ATP9A: variants seen among roughly 807,000 people sequenced by gnomAD.
The protein encoded by ATP9A is ATPase phospholipid transporting 9A.
Under a neutral mutation model 144.1 loss-of-function variants are expected in ATP9A, and 52 were observed. The observed-to-expected ratio is 0.36, with a 90% confidence interval of 0.29 to 0.45. The LOEUF (loss-of-function observed/expected upper bound fraction) is 0.45. Ranked by LOEUF, ATP9A falls within the 20% of genes least tolerant of loss-of-function variation. ATP9A has a pLI of 1.00. For missense variants in ATP9A, 947 were observed against 1,392.7 expected, an observed-to-expected ratio of 0.68 and a Z score of 5.09; for synonymous variants, 582 against 557.4, an observed-to-expected ratio of 1.04 and a Z score of -0.62.
At chr20:51,607,864 T>C (rs1252283475) in intron 25 of ATP9A, among the ~76,000 whole-genome samples, 2 of 151,726 alleles carry the variant, frequency 1.3e-5, no homozygotes, top group South Asian at 2.1e-4. Flanking sequence ...GCCAACATGG[T>C]GAAACCTCCT....
At chr20:51,731,553 T>C (rs973857141) in intron 1 of ATP9A, among the ~76,000 whole-genome samples, 2 of 151,636 alleles carry the variant, frequency 1.3e-5, no homozygotes, top group Admixed American at 1.3e-4. Context: ...ACCCCATCTC[T>C]ACTAGAATTA....
chr20:51,683,792 G>C (rs774218456), intron 9 of ATP9A, among the ~76,000 whole-genome samples: 49 of 152,296 alleles, frequency 3.2e-4, no homozygotes, highest in Non-Finnish European at 5.3e-4. Flanking sequence ...TAAGAGTCTG[G>C]AGCCTGGAGT....
chr20:51,601,516 T>A (rs891438437), intron 27 of ATP9A, among the ~76,000 whole-genome samples, 169 bp from the exon 28 acceptor site: 1 of 152,226 alleles, frequency 6.6e-6, no homozygotes, highest in Non-Finnish European at 1.5e-5. Flanking sequence ...GAAGGTACCA[T>A]GGCTAAGAGC....
chr20:51,616,539 G>A (rs375295692), intron 22 of ATP9A, among the ~76,000 whole-genome samples: 9 of 151,988 alleles, frequency 5.9e-5, no homozygotes, highest in East Asian at 5.8e-4. Flanking sequence ...GGCTGGTCTC[G>A]AACTCCTGAG....
intron 9 of ATP9A, among the ~76,000 whole-genome samples, chr20:51,680,587 C>T (rs569251823): frequency 5.3e-5 from 8 of 152,220 alleles, no homozygotes; most frequent in Non-Finnish European, 1.2e-4. Context: ...CTGATACAGA[C>T]GGACCTCAGC....
In ATP9A at chr20:51,671,175, G is replaced by C; in HGVS notation, c.1120C>G (p.Arg374Gly). 6.2e-7 allele frequency: 1 copy of C among 1,614,068 alleles called. No individual in the cohort carries two copies. Among genetic ancestry groups the C allele is most frequent in the Non-Finnish European group, 8.5e-7 (1 of 1,179,988 alleles). ...RDSKIPGTVV[R>G]SSTIPEQLGR... ...AGCTGCTCAGGAATCGTGCTGGAGCGAACCACGGTCCCGGGGATTTTCGAG... is the reference window on the plus strand; with the variant it reads ...AGCTGCTCAGGAATCGTGCTGGAGCCAACCACGGTCCCGGGGATTTTCGAG... The change falls in exon 12 of 28, where the codon CGC (arginine) becomes GGC (glycine). Residue 374 changes from arginine (R) to glycine (G), a missense_variant. Physicochemically the swap from Arg to Gly is moderately radical, Grantham distance 125. Coordinates refer to ENST00000338821, the MANE Select transcript of ATP9A (RefSeq NM_006045.3).
chr20:51,664,171 C>T (rs2122778784), intron 13 of ATP9A, among the ~76,000 whole-genome samples: 1 of 151,986 alleles, frequency 6.6e-6, no homozygotes, highest in East Asian at 1.9e-4. Flanking sequence ...TGAGCTACCA[C>T]GCCCAGCAGG....
chr20:51,700,855 C>T (rs2077590463), intron 4 of ATP9A, among the ~76,000 whole-genome samples: 1 of 151,766 alleles, frequency 6.6e-6, no homozygotes, highest in Non-Finnish European at 1.5e-5. Flanking sequence ...AGAGAGGGAG[C>T]GAAAGAAAGA....
At chr20:51,721,161 G>A (rs993727006) in intron 3 of ATP9A, among the ~76,000 whole-genome samples, 10 of 152,320 alleles carry the variant, frequency 6.6e-5, no homozygotes, top group African/African-American at 1.9e-4. Flanking sequence ...GCGTATGCAC[G>A]CCCACTCCCT....
intron 2 of ATP9A, among the ~76,000 whole-genome samples, chr20:51,727,293 G>A (rs1394657803): frequency 1.3e-5 from 2 of 149,454 alleles, no homozygotes; most frequent in African/African-American, 4.9e-5. Context: ...AAAAAGTTAC[G>A]TCCACAGCAT....
At chr20:51,699,057 G>A (rs1388523538) in intron 4 of ATP9A, among the ~76,000 whole-genome samples, 1 of 152,102 alleles carries the variant, frequency 6.6e-6, no homozygotes, top group Non-Finnish European at 1.5e-5. Flanking sequence ...AGTAATTATA[G>A]GCCGGGCACC....
intron 1 of ATP9A, among the ~76,000 whole-genome samples, chr20:51,747,892 C>T (rs2077815233): frequency 6.6e-6 from 1 of 152,214 alleles, no homozygotes; most frequent in African/African-American, 2.4e-5. Context: ...GGCAGGCATG[C>T]CCCGGAACCC....
At chr20:51,644,845 G>A (rs956837109) in intron 14 of ATP9A, among the ~76,000 whole-genome samples, 1 of 151,890 alleles carries the variant, frequency 6.6e-6, no homozygotes, top group African/African-American at 2.4e-5. Flanking sequence ...CCTGTTAATT[G>A]CCCTGAAAAT....
chr20:51,707,421 C>T (rs1464117977), intron 4 of ATP9A, among the ~76,000 whole-genome samples: 2 of 152,142 alleles, frequency 1.3e-5, no homozygotes, highest in Admixed American at 1.3e-4. Flanking sequence ...ATGCCTGCTT[C>T]AATACCATCC....
intron 9 of ATP9A, among the ~76,000 whole-genome samples, chr20:51,682,651 G>A (rs185969482): frequency 8.0e-4 from 107 of 134,004 alleles, no homozygotes; most frequent in African/African-American, 2.9e-3. Flanking sequence ...GGGTGCAATG[G>A]TGCAATCTTG....
chr20:51,724,238 C>A (rs73269765), intron 3 of ATP9A, among the ~76,000 whole-genome samples: 3 of 152,138 alleles, frequency 2.0e-5, no homozygotes, highest in Non-Finnish European at 2.9e-5. Flanking sequence ...GCGTTCCCCC[C>A]CTGGGTCCCA....
At chr20:51,640,972 C>G (rs2077316159) in intron 14 of ATP9A, among the ~76,000 whole-genome samples, 1 of 152,118 alleles carries the variant, frequency 6.6e-6, no homozygotes, top group African/African-American at 2.4e-5. Flanking sequence ...CACTTTTAAT[C>G]CCAGCACTTG....
chr20:51,630,936 C>T (rs1425764330), intron 15 of ATP9A, among the ~76,000 whole-genome samples: 1 of 152,142 alleles, frequency 6.6e-6, no homozygotes, highest in African/African-American at 2.4e-5. Context: ...GTGGTATAAG[C>T]CCTGGGTCTA....
At position 51,768,266 on chromosome 20, in the gene ATP9A, G is replaced by A. The variant is rs1302128482; in HGVS notation, c.68+36C>T. ...GCCCGAGCGCCGGGCTCCGGGAGGC[G>A]CGGACAAAGGAAAACACGGGCCCAG... On this transcript the variant is annotated intron_variant, in intron 1 of 27. Transcript: ENST00000338821. 10 of 1,227,028 alleles carry A rather than the reference G, an allele frequency of 8.1e-6. No homozygotes were observed. In the Admixed American group the frequency reaches 1.3e-4, roughly 16 times the overall value. The allele number at this position is 1,227,028 out of a possible 1,614,324, so 76.0% of individuals were successfully genotyped here.
Sources: gnomAD v4.1 joint callset for allele counts (sites outside exome capture counted in the v4.1 genomes callset) on GRCh38, gnomAD v4.1.1 for gene constraint, MANE v1.5 for transcripts, NCBI Gene and HGNC (gene_info 2026-07-23, HGNC 2026-07-21) for gene names.